Variants in PDGFC observed in about 807,000 individuals in gnomAD.
PDGFC encodes the protein platelet derived growth factor C.
PDGFC carries 12 observed loss-of-function variants against 35.5 expected under a neutral mutation model. The observed-to-expected ratio is 0.34, with a 90% CI of 0.22 to 0.55. The LOEUF is 0.55. PDGFC is among the 20% of genes least tolerant of loss of function. PDGFC has a pLI of 0.91. For synonymous variants in PDGFC, 159 were observed against 148.8 expected, an observed-to-expected ratio of 1.07 and a Z score of -0.50; for missense variants, 322 against 412.4, an observed-to-expected ratio of 0.78 and a Z score of 1.90.
At chr4:156,810,298 G>T (rs1165342066) in intron 3 of PDGFC, among the ~76,000 whole-genome samples, 2 of 151,868 alleles carry the variant, frequency 1.3e-5, no homozygotes. Flanking sequence ...AAGTATTTCA[G>T]AATGGAGTAG....
At chr4:156,809,188 T>G (rs1560820889) in intron 3 of PDGFC, among the ~76,000 whole-genome samples, 1 of 152,018 alleles carries the variant, frequency 6.6e-6, no homozygotes, top group Non-Finnish European at 1.5e-5. Context: ...AATAGCCCAT[T>G]GAAGTCCATA....
intron 1 of PDGFC, among the ~76,000 whole-genome samples, chr4:156,881,600 G>C (rs185533563): frequency 1.0e-3 from 155 of 152,264 alleles, no homozygotes; most frequent in Non-Finnish European, 1.7e-3. Context: ...GGGAGGCTGA[G>C]GCAGTGGATC....
chr4:156,849,051 G>A (rs1729391787), intron 2 of PDGFC, among the ~76,000 whole-genome samples: 1 of 151,956 alleles, frequency 6.6e-6, no homozygotes. Context: ...TTTTTGACAA[G>A]ATTATGTTTA....
intron 3 of PDGFC, among the ~76,000 whole-genome samples, chr4:156,808,324 G>C (rs1354080228): frequency 6.6e-6 from 1 of 152,044 alleles, no homozygotes; most frequent in African/African-American, 2.4e-5. Context: ...CTATAAACTA[G>C]TAGTTAATAT....
chr4:156,880,601 A>C (rs184435066), intron 1 of PDGFC, among the ~76,000 whole-genome samples: 16 of 152,310 alleles, frequency 1.1e-4, no homozygotes, highest in African/African-American at 3.1e-4. Flanking sequence ...TTGAAGTTTC[A>C]AGTCTTATTA....
intron 1 of PDGFC, among the ~76,000 whole-genome samples, chr4:156,889,378 T>G (rs1730450355): frequency 6.6e-6 from 1 of 152,186 alleles, no homozygotes; most frequent in African/African-American, 2.4e-5. Context: ...ATCTTCATAT[T>G]AATAATTTCC....
At chr4:156,960,236 G>GATATATATATAACTGTTATATATAT (rs1560891823) in intron 1 of PDGFC, among the ~76,000 whole-genome samples, 4 of 137,696 alleles carry the variant, frequency 2.9e-5, no homozygotes, top group Admixed American at 1.4e-4. Flanking sequence ...GAAGCCATTT[G>GATATATATATAACTGTTATATATAT]ATATATATAT....
chr4:156,899,040 C>T (rs548062183), intron 1 of PDGFC, among the ~76,000 whole-genome samples: 1 of 152,332 alleles, frequency 6.6e-6, no homozygotes, highest in Non-Finnish European at 1.5e-5. Context: ...GGCATTTACA[C>T]ATGTTCAGGT....
chr4:156,889,079 C>G (rs528926456), intron 1 of PDGFC, among the ~76,000 whole-genome samples: 3 of 152,338 alleles, frequency 2.0e-5, no homozygotes, highest in Admixed American at 2.0e-4. Flanking sequence ...CACCATTATT[C>G]TGGATGATTA....
Position 156,891,046 on chromosome 4 carries a change from T to C in PDGFC, c.119-40630A>G, listed in dbSNP as rs182985687. On this transcript the variant is annotated intron_variant, in intron 1 of 5. Coordinates refer to ENST00000502773, the MANE Select transcript of PDGFC (RefSeq NM_016205.3). The stretch of plus-strand genomic sequence containing the variant: ...ATAAAACCTTTATGTAAAAGCCTTC[T>C]ACACACCTGCACTATTATGGTATAG... Among the ~76,000 whole-genome samples, 402 of 152,160 alleles carry C rather than the reference T, an allele frequency of 2.6e-3. 3 individuals carry two copies. Among genetic ancestry groups the C allele is most frequent in the African/African-American group, 9.5e-3 (394 of 41,534 alleles).
chr4:156,924,682 T>C (rs1476743331), intron 1 of PDGFC, among the ~76,000 whole-genome samples: 3 of 152,310 alleles, frequency 2.0e-5, no homozygotes, highest in Middle Eastern at 3.4e-3. Context: ...TCCCTTATCA[T>C]GAACAACCAC....
intron 3 of PDGFC, among the ~76,000 whole-genome samples, chr4:156,785,752 C>T (rs4691379): frequency 0.45 from 68,312 of 151,954 alleles, 18,097 homozygotes; most frequent in African/African-American, 0.74. Flanking sequence ...AAATAATGCA[C>T]ATTTTTTTCC....
intron 1 of PDGFC, among the ~76,000 whole-genome samples, chr4:156,890,144 T>G (rs1730470008): frequency 6.6e-6 from 1 of 152,044 alleles, no homozygotes; most frequent in Admixed American, 6.5e-5. Context: ...GTGAGGTGAC[T>G]GTATCATATG....
chr4:156,799,622 TTTAGCC>T (rs1731542191), intron 3 of PDGFC, among the ~76,000 whole-genome samples: 1 of 152,194 alleles, frequency 6.6e-6, no homozygotes, highest in African/African-American at 2.4e-5. Context: ...TTAGCTAAAT[TTTAGCC>T]TTACAAGGTT....
Position 156,892,536 on chromosome 4 carries a change from T to A in PDGFC, c.119-42120A>T, listed in dbSNP as rs17231146. On this transcript the variant is annotated intron_variant, in intron 1 of 5. Coordinates refer to ENST00000502773, the MANE Select transcript of PDGFC (RefSeq NM_016205.3). ...AAACATAAATCATAACAGAATGCTG[T>A]CCTAATCTTTGATGAATGGTGAAAT... is the stretch of plus-strand genomic sequence containing the variant. 8.1e-3 allele frequency among the ~76,000 whole-genome samples: 1,236 copies of A among 152,206 alleles called. 7 individuals carry two copies. The highest frequency in any genetic ancestry group is 0.011 in the Non-Finnish European group (766 of 68,008).
At chr4:156,889,186 C>T (rs1177261903) in intron 1 of PDGFC, among the ~76,000 whole-genome samples, 1 of 152,152 alleles carries the variant, frequency 6.6e-6, no homozygotes, top group African/African-American at 2.4e-5. Context: ...GATTTCTTAA[C>T]ACTATGCACA....
intron 1 of PDGFC, among the ~76,000 whole-genome samples, chr4:156,959,954 A>T (rs964980422): frequency 6.6e-6 from 1 of 151,910 alleles, no homozygotes; most frequent in Non-Finnish European, 1.5e-5. Context: ...TGAAGCAAAA[A>T]CTTCTTTAAA....
At chr4:156,861,636 T>C (rs1246035462) in intron 1 of PDGFC, 1 of 311,942 alleles carries the variant, frequency 3.2e-6, no homozygotes, top group East Asian at 7.8e-5. Flanking sequence ...AATGACTATC[T>C]GAGTCAGTCA....
chr4:156,783,785 T>C (rs1731043438), intron 3 of PDGFC, among the ~76,000 whole-genome samples: 1 of 152,186 alleles, frequency 6.6e-6, no homozygotes, highest in African/African-American at 2.4e-5. Context: ...AGAATATTAA[T>C]GAAGTGCTAA....
Sources: gnomAD v4.1 joint callset for allele counts (sites outside exome capture counted in the v4.1 genomes callset) on GRCh38, gnomAD v4.1.1 for gene constraint, MANE v1.5 for transcripts, NCBI Gene and HGNC (gene_info 2026-07-23, HGNC 2026-07-21) for gene names.